PEX5L: variants seen among roughly 807,000 people sequenced by gnomAD.
PEX5L encodes the protein PEX5-related protein.
A neutral mutation model predicts 84.0 loss-of-function variants in PEX5L; 30 were observed. The observed-to-expected ratio is 0.36, with a 90% CI of 0.27 to 0.48. PEX5L has a LOEUF of 0.48. Among genes scored for constraint, PEX5L ranks in the 20% least tolerant of loss-of-function variants. PEX5L has a pLI of 0.99. For missense variants in PEX5L, 533 were observed against 754.6 expected, an observed-to-expected ratio of 0.71 and a Z score of 3.44; for synonymous variants, 270 against 283.1, an observed-to-expected ratio of 0.95 and a Z score of 0.46.
At chr3:180,001,094 C>T (rs1337846839) in intron 1 of PEX5L, among the ~76,000 whole-genome samples, 1 of 152,070 alleles carries the variant, frequency 6.6e-6, no homozygotes, top group Admixed American at 6.6e-5. Flanking sequence ...CAGCTGCCAG[C>T]TTGGCTAGAA....
intron 11 of PEX5L, among the ~76,000 whole-genome samples, chr3:179,810,668 G>T (rs1188096038): frequency 6.6e-6 from 1 of 152,132 alleles, no homozygotes; most frequent in Non-Finnish European, 1.5e-5. Context: ...CCCTAGGCAG[G>T]ACATAATACC....
At chr3:179,931,417 T>C (rs1248479196) in intron 2 of PEX5L, among the ~76,000 whole-genome samples, 1 of 152,218 alleles carries the variant, frequency 6.6e-6, no homozygotes, top group Non-Finnish European at 1.5e-5. Context: ...GGGGCAGACT[T>C]GGAACAGAGA....
At chr3:179,911,509 A>G (rs1303728778) in intron 2 of PEX5L, among the ~76,000 whole-genome samples, 1 of 152,138 alleles carries the variant, frequency 6.6e-6, no homozygotes, top group Non-Finnish European at 1.5e-5. Context: ...AAACTAGGTA[A>G]TATATGTAAA....
intron 1 of PEX5L, among the ~76,000 whole-genome samples, chr3:180,010,012 C>T (rs766984504): frequency 1.3e-5 from 2 of 151,908 alleles, no homozygotes; most frequent in African/African-American, 4.8e-5. Flanking sequence ...GGCGCGATCT[C>T]GACACACTGC....
At chr3:180,007,192 A>G (rs1451095375) in intron 1 of PEX5L, among the ~76,000 whole-genome samples, 1 of 152,216 alleles carries the variant, frequency 6.6e-6, no homozygotes. Context: ...AAACTGGCCA[A>G]AACGAACGGG....
At chr3:179,980,433 G>T (rs569982152) in intron 1 of PEX5L, among the ~76,000 whole-genome samples, 1 of 152,176 alleles carries the variant, frequency 6.6e-6, no homozygotes, top group East Asian at 1.9e-4. Flanking sequence ...CTCACCCCTA[G>T]ATTCCATGGC....
intron 8 of PEX5L, among the ~76,000 whole-genome samples, chr3:179,847,554 GC>G (rs1740030212): frequency 1.3e-5 from 2 of 152,156 alleles, no homozygotes; most frequent in African/African-American, 4.8e-5. Flanking sequence ...ATGTCTCTTT[GC>G]CCACAGGGAG....
chr3:179,985,648 C>T (rs894326026), intron 1 of PEX5L, among the ~76,000 whole-genome samples: 1 of 152,058 alleles, frequency 6.6e-6, no homozygotes, highest in Non-Finnish European at 1.5e-5. Flanking sequence ...AGCCAGTCCA[C>T]CTTAGCTTAA....
At chr3:179,807,540 C>T (rs1721815165) in intron 14 of PEX5L, 134 bp downstream of exon 14, 3 of 777,742 alleles carry the variant, frequency 3.9e-6, no homozygotes, top group Admixed American at 4.6e-5. Flanking sequence ...TCTGAAGGCT[C>T]CACATTCACC....
rs554841095 is a variant in PEX5L, at chr3:179,817,730, G to T, written c.940-1726C>A. Among the ~76,000 whole-genome samples, 10 of 152,278 alleles carry T rather than the reference G, an allele frequency of 6.6e-5. No homozygotes were observed. In the South Asian group the frequency reaches 1.9e-3, roughly 28 times the overall value. On this transcript the variant is annotated intron_variant, in intron 9 of 14. Coordinates refer to ENST00000467460, the MANE Select transcript of PEX5L (RefSeq NM_016559.3). ...CTAGTGTGTTGATGATGTTACTAAG[G>T]TTTAAGAGTAGATCAAGTGGAGGCC... is the stretch of plus-strand genomic sequence containing the variant.
chr3:179,963,258 G>A (rs9856601), intron 2 of PEX5L, among the ~76,000 whole-genome samples: 1 of 152,130 alleles, frequency 6.6e-6, no homozygotes, highest in Non-Finnish European at 1.5e-5. Flanking sequence ...GGCTAGGCTG[G>A]CAAGAGCAGA....
chr3:179,975,784 C>T (rs1207541874), intron 1 of PEX5L, among the ~76,000 whole-genome samples: 1 of 152,192 alleles, frequency 6.6e-6, no homozygotes, highest in African/African-American at 2.4e-5. Flanking sequence ...CTCAGATTTT[C>T]CCTGTCCTAA....
intron 2 of PEX5L, among the ~76,000 whole-genome samples, chr3:179,904,175 T>C (rs1762346363): frequency 6.6e-6 from 1 of 152,208 alleles, no homozygotes; most frequent in African/African-American, 2.4e-5. Flanking sequence ...CAGTTGACCC[T>C]TTATGTATTT....
At chr3:179,960,186 A>G (rs1008970488) in intron 2 of PEX5L, among the ~76,000 whole-genome samples, 2 of 152,200 alleles carry the variant, frequency 1.3e-5, no homozygotes, top group African/African-American at 4.8e-5. Context: ...CAGAACTATG[A>G]GGAGGTCTCC....
At chr3:179,901,158 G>A (rs1761191301) in intron 2 of PEX5L, among the ~76,000 whole-genome samples, 1 of 152,026 alleles carries the variant, frequency 6.6e-6, no homozygotes, top group African/African-American at 2.4e-5. Context: ...TAACTGTGCA[G>A]GTTTCTTTCT....
At chr3:179,925,517 C>A (rs1771181017) in intron 2 of PEX5L, among the ~76,000 whole-genome samples, 2 of 152,198 alleles carry the variant, frequency 1.3e-5, no homozygotes, top group South Asian at 2.1e-4. Flanking sequence ...GATTTTCCTA[C>A]ATCAGTGCAT....
chr3:179,851,514 T>C (rs1410933781), intron 8 of PEX5L, among the ~76,000 whole-genome samples: 12 of 152,204 alleles, frequency 7.9e-5, no homozygotes, highest in African/African-American at 2.7e-4. Context: ...CAATCACCTG[T>C]ATTTCTAGGA....
chr3:179,838,317 C>T (rs1459732995), intron 8 of PEX5L, among the ~76,000 whole-genome samples: 1 of 152,068 alleles, frequency 6.6e-6, no homozygotes, highest in Non-Finnish European at 1.5e-5. Context: ...TTAAAGTTTC[C>T]TTAAGTTGCA....
At chr3:179,819,164 G>A (rs1361348053) in intron 9 of PEX5L, among the ~76,000 whole-genome samples, 1 of 151,784 alleles carries the variant, frequency 6.6e-6, no homozygotes, top group Non-Finnish European at 1.5e-5. Context: ...TGCTCTTTTA[G>A]GTAAGAAAGT....
Sources: gnomAD v4.1 joint callset for allele counts (sites outside exome capture counted in the v4.1 genomes callset) on GRCh38, gnomAD v4.1.1 for gene constraint, MANE v1.5 for transcripts, NCBI Gene and HGNC (gene_info 2026-07-23, HGNC 2026-07-21) for gene names.